Variants in VASH2 observed in about 807,000 individuals in gnomAD.
VASH2 encodes the protein vasohibin 2, also known as tubulinyl-Tyr carboxypeptidase 2.
VASH2 carries 28 observed loss-of-function variants against 37.2 expected under a neutral mutation model. The ratio of observed to expected loss-of-function variants is 0.75; its 90% CI spans 0.56 to 1.03. VASH2 has a LOEUF of 1.03. Ranked by LOEUF, VASH2 falls within the 50% of genes least tolerant of loss-of-function variation. The pLI, the probability that VASH2 is intolerant of heterozygous loss-of-function variation, is 0.00. For synonymous variants in VASH2, 188 were observed against 174.7 expected, an observed-to-expected ratio of 1.08 and a Z score of -0.60; for missense variants, 419 against 459.1, an observed-to-expected ratio of 0.91 and a Z score of 0.80.
intron 3 of VASH2, 123 bp downstream of exon 3, chr1:212,961,377 A>G: frequency 6.4e-7 from 1 of 1,553,492 alleles, no homozygotes; most frequent in Non-Finnish European, 8.7e-7. Flanking sequence ...GAGGCCAGGC[A>G]TGGAGGGATG....
chr1:212,986,800 T>C (rs1667490712), intron 7 of VASH2, among the ~76,000 whole-genome samples: 1 of 152,106 alleles, frequency 6.6e-6, no homozygotes, highest in Non-Finnish European at 1.5e-5. Context: ...TTAATTAGCA[T>C]CATGTGTATG....
intron 4 of VASH2, 144 bp downstream of exon 4, chr1:212,965,922 G>A: frequency 1.3e-6 from 1 of 778,270 alleles, no homozygotes; most frequent in Non-Finnish European, 2.1e-6. Flanking sequence ...CCCAGGGCCA[G>A]GTTGGAGGTG....
intron 2 of VASH2, among the ~76,000 whole-genome samples, chr1:212,960,399 G>A (rs1168854032): frequency 1.3e-5 from 2 of 152,208 alleles, no homozygotes; most frequent in African/African-American, 4.8e-5. Flanking sequence ...GCACTTGTCT[G>A]GGGAGAGTCG....
At chr1:212,987,229 CCTT>C (rs969617457) in intron 7 of VASH2, among the ~76,000 whole-genome samples, 1 of 151,808 alleles carries the variant, frequency 6.6e-6, no homozygotes, top group African/African-American at 2.4e-5. Context: ...AAATAAGAAA[CCTT>C]CTAACAATTA....
chr1:212,970,628 G>A (rs1666983555), intron 5 of VASH2, among the ~76,000 whole-genome samples: 1 of 152,088 alleles, frequency 6.6e-6, no homozygotes. Context: ...AGTGGCTCAT[G>A]CCTGTAATCC....
chr1:212,967,406 C>T lies in VASH2; in HGVS notation c.497+1061C>T, dbSNP rs184225374. 95 of 1,191,468 alleles carry T rather than the reference C, an allele frequency of 8.0e-5. No individual in the cohort carries two copies. The East Asian group carries it at 2.9e-3, about 36-fold the overall frequency. 73.8% of individuals were successfully genotyped at this position (1,191,468 alleles called of 1,614,324 possible). A position where few individuals can be genotyped will look rare whatever the true frequency, so the allele number is the denominator to read the frequency against. ...ATCAGATAGAAGAGCAAAGATGCTC[C>T]GAAGTCCTATGGGATGGATGGCTGT... On this transcript the variant is annotated intron_variant, in intron 5 of 7. Transcript: ENST00000517399.
intron 3 of VASH2, among the ~76,000 whole-genome samples, chr1:212,962,261 C>T (rs563993897): frequency 6.6e-6 from 1 of 152,166 alleles, no homozygotes; most frequent in African/African-American, 2.4e-5. Flanking sequence ...GGGGCAGGAG[C>T]GGGTGGTCCA....
intron 5 of VASH2, among the ~76,000 whole-genome samples, chr1:212,972,136 G>T (rs59676624): frequency 0.019 from 2,931 of 152,218 alleles, 44 homozygotes; most frequent in East Asian, 0.04. Context: ...CAGGTCCAAA[G>T]CCTTTACCAA....
intron 3 of VASH2, 168 bp downstream of exon 3, chr1:212,961,422 G>T: frequency 7.0e-7 from 1 of 1,438,022 alleles, no homozygotes; most frequent in Admixed American, 2.5e-5. Flanking sequence ...TGTGCGTGGA[G>T]GTTGTCATTG....
chr1:212,959,625 G>C (rs538498544), intron 2 of VASH2, among the ~76,000 whole-genome samples: 37 of 152,350 alleles, frequency 2.4e-4, no homozygotes, highest in Admixed American at 9.8e-4. Flanking sequence ...TGTAGGCAGC[G>C]GGGTGGAAGC....
chr1:212,970,519 A>G (rs1558147407), intron 5 of VASH2, among the ~76,000 whole-genome samples: 1 of 151,536 alleles, frequency 6.6e-6, no homozygotes, highest in African/African-American at 2.5e-5. Context: ...GGTAAAATAT[A>G]ACATAATTTA....
chr1:212,972,522 C>T (rs1667039484), intron 5 of VASH2, 58 bp from the exon 6 acceptor site: 1 of 1,582,940 alleles, frequency 6.3e-7, no homozygotes, highest in Non-Finnish European at 8.5e-7. Flanking sequence ...CCTTCCTTTG[C>T]ATCCAGGCTT....
At chr1:212,957,144 T>C (rs1666521669) in intron 2 of VASH2, among the ~76,000 whole-genome samples, 1 of 152,256 alleles carries the variant, frequency 6.6e-6, no homozygotes, top group Admixed American at 6.5e-5. Context: ...TGTGATTGGC[T>C]TACTTCATTT....
At chr1:212,984,603 A>G (rs1051591979) in intron 7 of VASH2, among the ~76,000 whole-genome samples, 8 of 152,190 alleles carry the variant, frequency 5.3e-5, no homozygotes, top group Non-Finnish European at 8.8e-5. Flanking sequence ...AGAGTTTCAG[A>G]AGGAGGAGAG....
intron 2 of VASH2, among the ~76,000 whole-genome samples, chr1:212,956,583 G>C (rs890651120): frequency 6.6e-6 from 1 of 152,114 alleles, no homozygotes. Context: ...CCCCAGTCAC[G>C]AACAGAAAAA....
At chr1:212,978,134 G>A (rs150649552) in intron 7 of VASH2, among the ~76,000 whole-genome samples, 92 of 152,328 alleles carry the variant, frequency 6.0e-4, no homozygotes, top group Middle Eastern at 6.8e-3. Context: ...CCCCAGTGAA[G>A]TCATTCTGGG....
intron 5 of VASH2, chr1:212,968,455 CTT>C: frequency 2.0e-6 from 2 of 985,490 alleles, no homozygotes; most frequent in Non-Finnish European, 2.4e-6. Context: ...TCCTGGACAT[CTT>C]TGTGGGAAGG....
intron 2 of VASH2, among the ~76,000 whole-genome samples, chr1:212,957,209 C>A (rs61832425): frequency 1.3e-5 from 2 of 152,198 alleles, no homozygotes; most frequent in Non-Finnish European, 2.9e-5. Flanking sequence ...AACGTCTTTC[C>A]TTTTAAAGGC....
rs762074612 is a variant in VASH2, at chr1:212,956,176, G to A, written c.276+4358G>A. Among the ~76,000 whole-genome samples the A allele has an allele frequency of 3.3e-5, 5 of 152,140 alleles. No individual in the cohort carries two copies. In the East Asian group the frequency reaches 9.6e-4, roughly 29 times the overall value. ...AGTTCAGTTACACAACTGTCCATCC[G>A]TATCACTTCCCTTGCGTTCTTCCCA... On this transcript the variant is annotated intron_variant, in intron 2 of 7. Transcript: ENST00000517399.
Sources: gnomAD v4.1 joint callset for allele counts (sites outside exome capture counted in the v4.1 genomes callset) on GRCh38, gnomAD v4.1.1 for gene constraint, MANE v1.5 for transcripts, NCBI Gene and HGNC (gene_info 2026-07-23, HGNC 2026-07-21) for gene names.